NBEA: variants seen among roughly 807,000 people sequenced by gnomAD.
NBEA encodes the protein lysosomal-trafficking regulator 2.
NBEA carries 44 observed loss-of-function variants against 343.4 expected under a neutral mutation model. The ratio of observed to expected loss-of-function variants is 0.13; its 90% CI spans 0.10 to 0.16. The LOEUF (loss-of-function observed/expected upper bound fraction) is 0.16. Among genes scored for constraint, NBEA ranks in the 10% least tolerant of loss-of-function variants. The probability of loss-of-function intolerance (pLI) is 1.00; values close to 1 mark genes in which losing one functional copy is unlikely to be tolerated. For missense variants in NBEA, 2,555 were observed against 3,631.3 expected, an observed-to-expected ratio of 0.70 and a Z score of 7.62; for synonymous variants, 1,175 against 1,238.7, an observed-to-expected ratio of 0.95 and a Z score of 1.08.
At chr13:35,118,529 T>A in intron 16 of NBEA, 55 bp downstream of exon 16, 1 of 1,272,666 alleles carries the variant, frequency 7.9e-7, no homozygotes, top group South Asian at 1.3e-5. Flanking sequence ...CAGTTGTTCC[T>A]CCTAGAATAA....
intron 36 of NBEA, among the ~76,000 whole-genome samples, chr13:35,326,168 T>G (rs1218898498): frequency 6.6e-6 from 1 of 152,122 alleles, no homozygotes; most frequent in Non-Finnish European, 1.5e-5. Flanking sequence ...CAGAATAAGT[T>G]TTTCTAAATC....
At chr13:35,251,447 A>G in intron 34 of NBEA, 1 of 1,058,112 alleles carries the variant, frequency 9.5e-7, no homozygotes, top group Non-Finnish European at 1.1e-6. Context: ...ATGCTGGAGA[A>G]CTTATCACTC....
At chr13:35,072,351 GTCTT>G (rs1195193704) in intron 10 of NBEA, among the ~76,000 whole-genome samples, 6 of 151,898 alleles carry the variant, frequency 4.0e-5, no homozygotes, top group Admixed American at 6.6e-5. Context: ...ACTTTTTACT[GTCTT>G]TCTTCAAAAC....
At chr13:35,597,166 T>A (rs2081842750) in intron 47 of NBEA, among the ~76,000 whole-genome samples, 1 of 152,166 alleles carries the variant, frequency 6.6e-6, no homozygotes, top group African/African-American at 2.4e-5. Context: ...AGCTTATAAA[T>A]TAGGAATCGC....
intron 35 of NBEA, among the ~76,000 whole-genome samples, chr13:35,291,328 AAT>A (rs531854410): frequency 4.7e-4 from 72 of 151,958 alleles, no homozygotes; most frequent in Non-Finnish European, 9.6e-4. Flanking sequence ...GACAAACAAC[AAT>A]ATGCTTTCAA....
intron 35 of NBEA, among the ~76,000 whole-genome samples, chr13:35,303,591 G>T (rs2036693242): frequency 6.6e-6 from 1 of 152,060 alleles, no homozygotes; most frequent in Non-Finnish European, 1.5e-5. Context: ...ACATAAACAA[G>T]TACAGGAAAA....
At chr13:35,496,012 G>A (rs527824108) in intron 41 of NBEA, among the ~76,000 whole-genome samples, 3 of 152,114 alleles carry the variant, frequency 2.0e-5, no homozygotes, top group South Asian at 2.1e-4. Flanking sequence ...GAAGCCTGTC[G>A]TTTATAGCAA....
intron 13 of NBEA, among the ~76,000 whole-genome samples, chr13:35,116,826 T>G (rs1248239007): frequency 6.6e-6 from 1 of 152,000 alleles, no homozygotes; most frequent in Non-Finnish European, 1.5e-5. Context: ...ACTTTAAAAT[T>G]TGTACGTTAT....
intron 1 of NBEA, among the ~76,000 whole-genome samples, chr13:34,985,329 G>C (rs1376692995): frequency 6.6e-6 from 1 of 150,980 alleles, no homozygotes. Flanking sequence ...CTGTTTATGT[G>C]ATGGATTATG....
intron 34 of NBEA, among the ~76,000 whole-genome samples, chr13:35,255,588 A>G (rs1347631350): frequency 2.0e-5 from 3 of 152,238 alleles, no homozygotes; most frequent in Non-Finnish European, 4.4e-5. Context: ...CAGGTGCATC[A>G]TACGCAGCTT....
chr13:35,644,304 A>G (rs1382522430), intron 49 of NBEA, among the ~76,000 whole-genome samples: 1 of 152,196 alleles, frequency 6.6e-6, no homozygotes, highest in Non-Finnish European at 1.5e-5. Context: ...TTTTAAATAT[A>G]TATGCATATG....
At chr13:35,396,371 T>G (rs1370347379) in intron 38 of NBEA, among the ~76,000 whole-genome samples, 2 of 152,192 alleles carry the variant, frequency 1.3e-5, no homozygotes, top group African/African-American at 4.8e-5. Flanking sequence ...TTTCATTCTT[T>G]TTTTGAATTA....
chr13:35,005,565 C>G (rs1273380070), intron 1 of NBEA, among the ~76,000 whole-genome samples: 2 of 152,052 alleles, frequency 1.3e-5, no homozygotes, highest in African/African-American at 4.8e-5. Context: ...AATATCAGAC[C>G]CTTTGTAGTT....
chr13:35,555,445 G>C (rs1594960144), intron 44 of NBEA, among the ~76,000 whole-genome samples: 1 of 152,116 alleles, frequency 6.6e-6, no homozygotes, highest in Non-Finnish European at 1.5e-5. Context: ...ATAGCAGCTA[G>C]ACAGGAGAAT....
At chr13:35,361,957 T>G (rs2152875190) in intron 38 of NBEA, among the ~76,000 whole-genome samples, 1 of 152,026 alleles carries the variant, frequency 6.6e-6, no homozygotes, top group East Asian at 1.9e-4. Context: ...TGTCCTATAT[T>G]TTTACTGGGG....
At chr13:35,543,583 A>G (rs1430012461) in intron 41 of NBEA, among the ~76,000 whole-genome samples, 1 of 152,252 alleles carries the variant, frequency 6.6e-6, no homozygotes, top group South Asian at 2.1e-4. Context: ...TCCATCAGGT[A>G]TTTCGAATCA....
intron 1 of NBEA, among the ~76,000 whole-genome samples, chr13:35,027,541 C>A (rs1209756337): frequency 6.6e-6 from 1 of 151,896 alleles, no homozygotes; most frequent in Non-Finnish European, 1.5e-5. Flanking sequence ...ATTCAATGGC[C>A]AGCTTCTTTA....
chr13:35,232,423 A>T, intron 33 of NBEA, 69 bp from the exon 34 acceptor site: 1 of 1,059,588 alleles, frequency 9.4e-7, no homozygotes, highest in Non-Finnish European at 1.4e-6. Context: ...ATTTTAATTT[A>T]GAAGTAAAGT....
chr13:35,558,236 A>G (rs150345626), intron 44 of NBEA, among the ~76,000 whole-genome samples: 312 of 152,306 alleles, frequency 2.0e-3, no homozygotes, highest in Non-Finnish European at 1.5e-3. Flanking sequence ...GCAGACGTAT[A>G]CCAGTAATTC....
Sources: allele counts gnomAD v4.1 joint callset (sites outside exome capture counted in the v4.1 genomes callset), GRCh38; gene constraint gnomAD v4.1.1; transcripts MANE v1.5; gene names NCBI Gene and HGNC (gene_info 2026-07-23, HGNC 2026-07-21).